Variants in XYLT1 observed in about 807,000 individuals in gnomAD.
The protein encoded by XYLT1 is beta-D-xylosyltransferase 1.
Under a neutral mutation model 91.3 loss-of-function variants are expected in XYLT1, and 36 were observed. The ratio of observed to expected loss-of-function variants is 0.39; its 90% CI spans 0.30 to 0.52. The LOEUF (loss-of-function observed/expected upper bound fraction) is 0.52, where lower values mean the gene tolerates loss of function less well. XYLT1 is among the 20% of genes least tolerant of loss of function. XYLT1 has a pLI of 0.68. For missense variants in XYLT1, 1,242 were observed against 1,284.5 expected, an observed-to-expected ratio of 0.97 and a Z score of 0.51; for synonymous variants, 588 against 532.0, an observed-to-expected ratio of 1.11 and a Z score of -1.45.
chr16:17,417,526 T>C (rs1195614085), intron 1 of XYLT1, among the ~76,000 whole-genome samples: 1 of 152,062 alleles, frequency 6.6e-6, no homozygotes, highest in Non-Finnish European at 1.5e-5. Context: ...CTGGGCTTTT[T>C]CCAGGCCAAA....
At chr16:17,189,810 G>A (rs2032268937) in intron 5 of XYLT1, among the ~76,000 whole-genome samples, 1 of 152,188 alleles carries the variant, frequency 6.6e-6, no homozygotes, top group African/African-American at 2.4e-5. Flanking sequence ...ACTTTGGGAG[G>A]CTGAGGTGGG....
intron 10 of XYLT1, among the ~76,000 whole-genome samples, chr16:17,125,596 C>G (rs1050276084): frequency 1.3e-5 from 2 of 151,988 alleles, no homozygotes; most frequent in African/African-American, 4.8e-5. Flanking sequence ...CTTTTACAGG[C>G]TTTAGCTTTG....
chr16:17,406,265 G>A (rs757973779), intron 1 of XYLT1, among the ~76,000 whole-genome samples: 1 of 152,192 alleles, frequency 6.6e-6, no homozygotes, highest in Non-Finnish European at 1.5e-5. Flanking sequence ...TATGATGAGT[G>A]TTATTGTTTT....
intron 6 of XYLT1, among the ~76,000 whole-genome samples, chr16:17,150,652 T>C (rs2031259379): frequency 6.6e-6 from 1 of 151,846 alleles, no homozygotes; most frequent in African/African-American, 2.4e-5. Flanking sequence ...AGCTGGTGAG[T>C]GGCAATGAGG....
chr16:17,124,872 G>A (rs528731702), intron 10 of XYLT1, among the ~76,000 whole-genome samples: 33 of 152,198 alleles, frequency 2.2e-4, no homozygotes, highest in South Asian at 6.2e-4. Flanking sequence ...TCTTTTACTC[G>A]TTTGATTCGA....
intron 3 of XYLT1, among the ~76,000 whole-genome samples, chr16:17,208,459 T>C (rs1360326628): frequency 1.3e-5 from 2 of 152,194 alleles, no homozygotes; most frequent in Non-Finnish European, 2.9e-5. Flanking sequence ...TATCTGTGTA[T>C]ATGTAATGAG....
chr16:17,131,698 G>GA (rs779351836), intron 9 of XYLT1, among the ~76,000 whole-genome samples: 64 of 150,474 alleles, frequency 4.3e-4, no homozygotes, highest in Non-Finnish European at 5.9e-4. Flanking sequence ...TTTATAATGA[G>GA]AAAAAAAAAT....
At chr16:17,352,943 T>C (rs548418742) in intron 2 of XYLT1, among the ~76,000 whole-genome samples, 1 of 152,350 alleles carries the variant, frequency 6.6e-6, no homozygotes, top group Non-Finnish European at 1.5e-5. Flanking sequence ...GATGAATCCC[T>C]TTACATAGAT....
intron 2 of XYLT1, among the ~76,000 whole-genome samples, chr16:17,287,939 C>CT (rs34525791): frequency 0.36 from 52,115 of 144,560 alleles, 9,275 homozygotes; most frequent in Middle Eastern, 0.47. Flanking sequence ...CATAATTTTT[C>CT]TTTTTTTTTT....
intron 5 of XYLT1, among the ~76,000 whole-genome samples, chr16:17,183,150 C>T (rs1003637014): frequency 1.3e-5 from 2 of 152,162 alleles, no homozygotes; most frequent in African/African-American, 2.4e-5. Flanking sequence ...AGTCATGTGA[C>T]GTTGGGCAAG....
chr16:17,368,531 T>C (rs906452110), intron 1 of XYLT1, among the ~76,000 whole-genome samples: 29 of 151,096 alleles, frequency 1.9e-4, no homozygotes, highest in African/African-American at 6.6e-4. Context: ...GAAGTGGCTG[T>C]TCCCAGAAGG....
chr16:17,416,269 C>T (rs73525199), intron 1 of XYLT1, among the ~76,000 whole-genome samples: 2,764 of 152,316 alleles, frequency 0.018, 94 homozygotes, highest in African/African-American at 0.064. Context: ...TGAGACTCCA[C>T]GGCGATGCTA....
chr16:17,123,688 C>T (rs937797501), intron 10 of XYLT1, among the ~76,000 whole-genome samples: 2 of 152,068 alleles, frequency 1.3e-5, no homozygotes, highest in African/African-American at 4.8e-5. Flanking sequence ...CTGTTAAGTC[C>T]ATTTGTTGTA....
intron 2 of XYLT1, among the ~76,000 whole-genome samples, chr16:17,340,755 T>C (rs934852636): frequency 2.0e-5 from 3 of 152,244 alleles, no homozygotes; most frequent in African/African-American, 7.2e-5. Flanking sequence ...AGTTAATCCA[T>C]GCACTGCACT....
intron 3 of XYLT1, among the ~76,000 whole-genome samples, chr16:17,236,526 C>A (rs567831089): frequency 6.6e-6 from 1 of 152,130 alleles, no homozygotes; most frequent in Admixed American, 6.5e-5. Context: ...CTGGTGATGC[C>A]CATTGTAGTT....
intron 9 of XYLT1, among the ~76,000 whole-genome samples, chr16:17,132,146 C>G (rs889803314): frequency 3.3e-5 from 5 of 152,168 alleles, no homozygotes; most frequent in Admixed American, 3.3e-4. Flanking sequence ...ACGACATTTG[C>G]CTTCCAAGTG....
intron 2 of XYLT1, among the ~76,000 whole-genome samples, chr16:17,266,391 G>A (rs1042260123): frequency 6.6e-6 from 1 of 152,174 alleles, no homozygotes; most frequent in Admixed American, 6.5e-5. Flanking sequence ...TTCCAAGCCT[G>A]TTGCATGTAC....
Position 17,303,428 on chromosome 16 carries a change from G to A in XYLT1, c.403-43930C>T, listed in dbSNP as rs564873794. On this transcript the variant is annotated intron_variant, in intron 2 of 11. Coordinates refer to ENST00000261381, the MANE Select transcript of XYLT1 (RefSeq NM_022166.4). ...CTATCTGGTCCTCTACAGACAGTTT[G>A]CACACTTCTGCTTTAGCTGCTATTA... 4.2e-4 allele frequency among the ~76,000 whole-genome samples: 64 copies of A among 152,314 alleles called. 1 individual carries two copies. The South Asian group carries it at 0.013, about 32-fold the overall frequency.
At position 17,327,602 on chromosome 16, in the gene XYLT1, TCCCGCCCCCC is replaced by T. The variant is rs2034829562; in HGVS notation, c.402+30400_402+30409del. On this transcript the variant is annotated intron_variant, in intron 2 of 11. Transcript: ENST00000261381. ...TGGTCTCAATCTCCTGACCTCGTGATCCCGCCCCCCCCCCCCCCCCCCCCCCGCCTCGGCC... is the reference window on the plus strand; with the variant it reads ...TGGTCTCAATCTCCTGACCTCGTGATCCCCCCCCCCCCCCCCGCCTCGGCC... Among the ~76,000 whole-genome samples the T allele has an allele frequency of 9.3e-5, 10 of 107,118 alleles. 1 individual carries two copies. Among genetic ancestry groups the T allele is most frequent in the East Asian group, 9.7e-4 (2 of 2,062 alleles). 70.3% of individuals were successfully genotyped at this position (107,118 alleles called of 152,430 possible).
Sources: allele counts gnomAD v4.1 joint callset (sites outside exome capture counted in the v4.1 genomes callset), GRCh38; gene constraint gnomAD v4.1.1; transcripts MANE v1.5; gene names NCBI Gene and HGNC (gene_info 2026-07-23, HGNC 2026-07-21).